ADD1: variants seen among roughly 807,000 people sequenced by gnomAD.
The protein encoded by ADD1 is adducin 1, also known as alpha-adducin.
Under a neutral mutation model 80.5 loss-of-function variants are expected in ADD1, and 24 were observed. The observed-to-expected ratio is 0.30, with a 90% CI of 0.22 to 0.42. The LOEUF is 0.42. Ranked by LOEUF, ADD1 falls within the 10% of genes least tolerant of loss-of-function variation. The pLI is 1.00. For synonymous variants in ADD1, 373 were observed against 393.8 expected, an observed-to-expected ratio of 0.95 and a Z score of 0.63; for missense variants, 948 against 1,019.0, an observed-to-expected ratio of 0.93 and a Z score of 0.95.
At chr4:2,911,660 T>G (rs999920222) in intron 13 of ADD1, among the ~76,000 whole-genome samples, 5 of 152,050 alleles carry the variant, frequency 3.3e-5, no homozygotes. Context: ...TCCGCCACGT[T>G]GCCCAGGCTG....
At chr4:2,914,685 G>A (rs911049140) in intron 13 of ADD1, 199 bp from the exon 14 acceptor site, 35 of 542,114 alleles carry the variant, frequency 6.5e-5, no homozygotes, top group Non-Finnish European at 9.3e-5. Flanking sequence ...TCTGTTCATC[G>A]TGGCACTGAC....
intron 9 of ADD1, chr4:2,901,763 T>G (rs1024064224): frequency 6.6e-6 from 1 of 151,696 alleles, no homozygotes; most frequent in Non-Finnish European, 1.5e-5. Flanking sequence ...ATAGCGAGAT[T>G]CCTCTCCACA....
chr4:2,872,994 ATAT>A (rs1424740413), intron 1 of ADD1, among the ~76,000 whole-genome samples: 2 of 151,252 alleles, frequency 1.3e-5, no homozygotes, highest in African/African-American at 2.4e-5. Context: ...TGATTAAATA[ATAT>A]TATTATTATT....
Position 2,928,745 on chromosome 4 carries a change from G to T in ADD1, c.*222G>T, listed in dbSNP as rs773949834. On this transcript the variant is annotated 3_prime_UTR_variant, in exon 16 of 16. Transcript: ENST00000683351. Reference sequence around the variant, plus strand: ...TTGTCCTCTCAGAGCCTCAGCTTCTGGGGGAGACATGCTCTCCCCACAGGG... The same window carrying T: ...TTGTCCTCTCAGAGCCTCAGCTTCTTGGGGAGACATGCTCTCCCCACAGGG... The T allele has an allele frequency of 5.6e-6, 3 of 533,768 alleles. No homozygotes were observed. Among genetic ancestry groups the T allele is most frequent in the Non-Finnish European group, 9.7e-6 (3 of 309,832 alleles). 33.1% of individuals were successfully genotyped at this position (533,768 alleles called of 1,614,324 possible). A position where few individuals can be genotyped will look rare whatever the true frequency, so the allele number is the denominator to read the frequency against.
intron 1 of ADD1, among the ~76,000 whole-genome samples, chr4:2,850,970 A>G (rs1251205309): frequency 1.3e-5 from 2 of 152,170 alleles, no homozygotes; most frequent in Non-Finnish European, 2.9e-5. Context: ...GCTAATGTGT[A>G]TGGGGTTTCT....
chr4:2,895,759 G>A (rs1419054567), intron 6 of ADD1, among the ~76,000 whole-genome samples: 1 of 152,170 alleles, frequency 6.6e-6, no homozygotes, highest in Admixed American at 6.5e-5. Context: ...GAAAGTGCAC[G>A]TGCAGGCTAT....
intron 2 of ADD1, chr4:2,881,530 G>A (rs1732336663): frequency 6.0e-6 from 1 of 165,552 alleles, no homozygotes; most frequent in Non-Finnish European, 1.3e-5. Flanking sequence ...TTGAATGCAT[G>A]CGTAGAATTC....
chr4:2,911,003 C>T (rs1177244277), intron 13 of ADD1, among the ~76,000 whole-genome samples: 1 of 152,158 alleles, frequency 6.6e-6, no homozygotes, highest in Non-Finnish European at 1.5e-5. Context: ...TGAGAATGTG[C>T]TTTGGCTCCA....
intron 1 of ADD1, among the ~76,000 whole-genome samples, chr4:2,872,930 C>G (rs1730681854): frequency 6.6e-6 from 1 of 151,714 alleles, no homozygotes; most frequent in South Asian, 2.1e-4. Flanking sequence ...GAAAAATGTT[C>G]CAGAAGTTAG....
intron 1 of ADD1, among the ~76,000 whole-genome samples, chr4:2,846,248 G>T (rs1303016643): frequency 6.6e-6 from 1 of 152,060 alleles, no homozygotes; most frequent in Admixed American, 6.6e-5. Flanking sequence ...GTTTTCTCTT[G>T]TAATTTATTT....
At chr4:2,886,508 A>G (rs1216931871) in intron 4 of ADD1, among the ~76,000 whole-genome samples, 2 of 152,152 alleles carry the variant, frequency 1.3e-5, no homozygotes, top group African/African-American at 4.8e-5. Context: ...TCGCTGCTTT[A>G]TTCCCCTGTA....
At chr4:2,922,538 A>T (rs1740228010) in intron 14 of ADD1, among the ~76,000 whole-genome samples, 1 of 152,206 alleles carries the variant, frequency 6.6e-6, no homozygotes, top group Middle Eastern at 3.2e-3. Flanking sequence ...CACCTGCCAG[A>T]TGCCAGCTGG....
At chr4:2,901,620 C>T (rs1338133266) in intron 9 of ADD1, 1 of 152,084 alleles carries the variant, frequency 6.6e-6, no homozygotes, top group Non-Finnish European at 1.5e-5. Flanking sequence ...TTGCTAATAA[C>T]TGAGTAGAGA....
intron 8 of ADD1, 45 bp from the exon 9 acceptor site, chr4:2,899,214 A>T (rs369222766): frequency 6.4e-7 from 1 of 1,555,178 alleles, no homozygotes; most frequent in Admixed American, 2.0e-5. Flanking sequence ...GACCCTCTTG[A>T]TCTCAGTAAG....
intron 1 of ADD1, among the ~76,000 whole-genome samples, chr4:2,863,320 A>AG (rs1729085897): frequency 6.7e-6 from 1 of 150,098 alleles, no homozygotes; most frequent in African/African-American, 2.5e-5. Context: ...CTGCCTCCCA[A>AG]GGTGCTGGGA....
At chr4:2,879,310 A>G (rs1731850315) in intron 2 of ADD1, among the ~76,000 whole-genome samples, 1 of 152,186 alleles carries the variant, frequency 6.6e-6, no homozygotes, top group African/African-American at 2.4e-5. Context: ...CTCTTTATGC[A>G]TAGGGCTCCT....
At chr4:2,898,129 C>G (rs1457124705) in intron 6 of ADD1, 55 bp from the exon 7 acceptor site, 1 of 1,549,442 alleles carries the variant, frequency 6.5e-7, no homozygotes, top group Non-Finnish European at 8.7e-7. Context: ...ACCATATCAT[C>G]AGTCATTGTG....
intron 14 of ADD1, among the ~76,000 whole-genome samples, chr4:2,923,173 G>A (rs537788934): frequency 1.2e-4 from 18 of 152,282 alleles, no homozygotes; most frequent in Non-Finnish European, 2.2e-4. Flanking sequence ...CATTCCAGGC[G>A]CCACTGGGGT....
At chr4:2,917,331 T>C (rs1028827508) in intron 14 of ADD1, among the ~76,000 whole-genome samples, 1 of 152,248 alleles carries the variant, frequency 6.6e-6, no homozygotes, top group Non-Finnish European at 1.5e-5. Flanking sequence ...ATAAATGTCT[T>C]CTTTTGAGAA....
Sources: allele counts gnomAD v4.1 joint callset (sites outside exome capture counted in the v4.1 genomes callset), GRCh38; gene constraint gnomAD v4.1.1; transcripts MANE v1.5; gene names NCBI Gene and HGNC (gene_info 2026-07-23, HGNC 2026-07-21).